BICC1: variants seen among roughly 807,000 people sequenced by gnomAD.
The protein encoded by BICC1 is BicC family RNA binding protein 1.
Under a neutral mutation model 111.0 loss-of-function variants are expected in BICC1, and 43 were observed. The ratio of observed to expected loss-of-function variants is 0.39; its 90% confidence interval spans 0.30 to 0.50. The LOEUF (loss-of-function observed/expected upper bound fraction) is 0.50. BICC1 is among the 20% of genes least tolerant of loss of function. BICC1 has a pLI of 0.88. For missense variants in BICC1, 1,091 were observed against 1,203.2 expected (o/e 0.91, Z 1.38); for synonymous variants, 467 against 434.4 (o/e 1.07, Z -0.93).
At chr10:58,688,399 A>C (rs1468595001) in intron 2 of BICC1, among the ~76,000 whole-genome samples, 1 of 152,032 alleles carries the variant, frequency 6.6e-6, no homozygotes, top group African/African-American at 2.4e-5. Context: ...TGTGTTTACA[A>C]ACCTTTAGCT....
intron 1 of BICC1, among the ~76,000 whole-genome samples, chr10:58,593,363 A>G (rs1485662632): frequency 6.6e-6 from 1 of 151,998 alleles, no homozygotes; most frequent in African/African-American, 2.4e-5. Flanking sequence ...AGAGCAGTGG[A>G]CCTCCCAGCA....
At chr10:58,708,390 TTGTC>T (rs1210436988) in intron 3 of BICC1, among the ~76,000 whole-genome samples, 13 of 151,570 alleles carry the variant, frequency 8.6e-5, no homozygotes, top group Admixed American at 3.3e-4. Context: ...AGCGGCATCA[TTGTC>T]TGGGGTAAAT....
intron 1 of BICC1, 35 bp from the exon 2 acceptor site, chr10:58,620,820 A>G: frequency 6.2e-7 from 1 of 1,600,738 alleles, no homozygotes; most frequent in Non-Finnish European, 8.5e-7. Context: ...CATACATTGA[A>G]AAAGTATTTT....
rs376209254 is a variant in BICC1 at position 58,520,721 on chromosome 10, C to T, written c.190+7388C>T. On this transcript the variant is annotated intron_variant, in intron 1 of 20. Transcript: ENST00000373886. ...TTAGCCATTGCTGTTTTTTCCCCCT[C>T]GATTTTAAAAGTAATACAAACCTAT... Among the ~76,000 whole-genome samples the T allele has an allele frequency of 3.9e-5, 6 of 151,942 alleles. No homozygotes were observed. The East Asian group carries it at 1.2e-3, about 29-fold the overall frequency.
chr10:58,773,848 G>A (rs938678638), intron 3 of BICC1, among the ~76,000 whole-genome samples: 16 of 152,130 alleles, frequency 1.1e-4, no homozygotes, highest in African/African-American at 3.1e-4. Flanking sequence ...GTTAATAGGC[G>A]GCTTAATCAC....
chr10:58,705,109 TAG>T (rs1840351704), intron 3 of BICC1, among the ~76,000 whole-genome samples: 1 of 152,220 alleles, frequency 6.6e-6, no homozygotes, highest in Admixed American at 6.5e-5. Flanking sequence ...TGCCATCAGT[TAG>T]AGAGTTCAGA....
chr10:58,639,959 C>A (rs1838074673), intron 2 of BICC1, among the ~76,000 whole-genome samples: 1 of 152,004 alleles, frequency 6.6e-6, no homozygotes, highest in South Asian at 2.1e-4. Context: ...GTGTAATCTT[C>A]TCAAATGCAG....
intron 2 of BICC1, chr10:58,648,571 G>T (rs886072329): frequency 1.0e-6 from 1 of 984,628 alleles, no homozygotes; most frequent in Non-Finnish European, 1.2e-6. Context: ...AGGGAACAAT[G>T]GTATGTTTAG....
At chr10:58,686,243 C>G (rs769301926) in intron 2 of BICC1, among the ~76,000 whole-genome samples, 5 of 152,222 alleles carry the variant, frequency 3.3e-5, no homozygotes, top group Non-Finnish European at 7.3e-5. Context: ...TGCTGTTAGT[C>G]TGATGGGATT....
In BICC1 at chr10:58,700,219, T is replaced by A. The variant is rs542944688; in HGVS notation, c.238-1855T>A. ...GGAAAAATAATTGTGGTTGGGTTGG[T>A]GTGAGAGTAGAAAAGGATGGGGAGT... is the stretch of plus-strand genomic sequence containing the variant. On this transcript the variant is annotated intron_variant, in intron 2 of 20. Transcript: ENST00000373886. 1.8e-4 allele frequency among the ~76,000 whole-genome samples: 27 copies of A among 152,014 alleles called. 1 individual carries two copies. In the South Asian group the frequency reaches 5.2e-3, roughly 29 times the overall value.
chr10:58,555,238 CCTGTTGTAA>C (rs530413934), intron 1 of BICC1, among the ~76,000 whole-genome samples: 134 of 148,912 alleles, frequency 9.0e-4, no homozygotes, highest in Non-Finnish European at 1.7e-3. Context: ...ACTCTTTATT[CCTGTTGTAA>C]CAACCTCATA....
At chr10:58,685,341 C>T (rs1423357055) in intron 2 of BICC1, among the ~76,000 whole-genome samples, 1 of 152,184 alleles carries the variant, frequency 6.6e-6, no homozygotes, top group Non-Finnish European at 1.5e-5. Flanking sequence ...AATGTATATT[C>T]TGTTGATTGG....
intron 3 of BICC1, among the ~76,000 whole-genome samples, chr10:58,713,161 C>G (rs1840632288): frequency 1.3e-5 from 2 of 151,894 alleles, no homozygotes; most frequent in Admixed American, 1.3e-4. Flanking sequence ...TAAAACACAC[C>G]CAGTTATTCA....
chr10:58,670,169 C>T (rs1839139420), intron 2 of BICC1, among the ~76,000 whole-genome samples: 1 of 152,092 alleles, frequency 6.6e-6, no homozygotes. Flanking sequence ...ATCCAATCTT[C>T]TATCTGTTCA....
chr10:58,659,148 A>G (rs546367801), intron 2 of BICC1, among the ~76,000 whole-genome samples: 1 of 152,340 alleles, frequency 6.6e-6, no homozygotes, highest in African/African-American at 2.4e-5. Context: ...GCTGGTGAGA[A>G]TGTAAATTAG....
chr10:58,551,197 A>G (rs1843286898), intron 1 of BICC1, among the ~76,000 whole-genome samples: 1 of 152,166 alleles, frequency 6.6e-6, no homozygotes, highest in African/African-American at 2.4e-5. Flanking sequence ...CTTGCCTGGC[A>G]TCTGGTAAGA....
Position 58,519,252 on chromosome 10 carries a change from AATT to A in BICC1, c.190+5923_190+5925del, listed in dbSNP as rs200015885. ...TGCAGGAAAAAGGCGGAAGAAGAAA[AATT>A]ATTTTCTCTTAGAGATTTTGCATTT... On this transcript the variant is annotated intron_variant, in intron 1 of 20. Coordinates refer to ENST00000373886, the MANE Select transcript of BICC1 (RefSeq NM_001080512.3). Among the ~76,000 whole-genome samples, 1,113 of 152,184 alleles carry A rather than the reference AATT, an allele frequency of 7.3e-3. 7 individuals carry two copies. The highest frequency in any genetic ancestry group is 0.014 in the Admixed American group (211 of 15,274).
intron 1 of BICC1, among the ~76,000 whole-genome samples, chr10:58,615,594 C>G (rs113176798): frequency 1.1e-4 from 17 of 152,240 alleles, no homozygotes; most frequent in African/African-American, 4.1e-4. Context: ...ACGTTGAAAC[C>G]CCCTACGATT....
intron 2 of BICC1, among the ~76,000 whole-genome samples, chr10:58,683,059 G>A (rs61874075): frequency 2.6e-5 from 4 of 152,138 alleles, no homozygotes; most frequent in Non-Finnish European, 4.4e-5. Flanking sequence ...TAATTTTTGT[G>A]TAAGGTGTAA....
Sources: allele counts gnomAD v4.1 joint callset (sites outside exome capture counted in the v4.1 genomes callset), GRCh38; gene constraint gnomAD v4.1.1; transcripts MANE v1.5; gene names NCBI Gene and HGNC (gene_info 2026-07-23, HGNC 2026-07-21).